The following RBM33 variants were observed in gnomAD, a reference collection of about 807,000 sequenced individuals.
RBM33 encodes the protein RNA-binding protein 33.
Under a neutral mutation model 132.6 loss-of-function variants are expected in RBM33, and 28 were observed. The ratio of observed to expected loss-of-function variants is 0.21; its 90% CI spans 0.16 to 0.29. The LOEUF is 0.29. Among genes scored for constraint, RBM33 ranks in the 10% least tolerant of loss-of-function variants. The probability of loss-of-function intolerance (pLI) is 1.00; values close to 1 mark genes in which losing one functional copy is unlikely to be tolerated. For synonymous variants in RBM33, 634 were observed against 593.0 expected (o/e 1.07, Z -1.01); for missense variants, 1,291 against 1,518.5 (o/e 0.85, Z 2.49).
chr7:155,780,287 A>G lies in RBM33; in HGVS notation c.*5246A>G, dbSNP rs1316776961. 1 of 152,204 alleles carries G rather than the reference A, an allele frequency of 6.6e-6. No individual in the cohort carries two copies. The highest frequency in any genetic ancestry group is 1.5e-5 in the Non-Finnish European group (1 of 68,052). The allele number at this position is 152,204 out of a possible 1,614,324, so 9.4% of individuals were successfully genotyped here. ...CTGAGCCGAAGGAGCAAAAAAAGCCACCGCTCGTTTCTATAATCCAGCTTT... is the reference window on the plus strand; with the variant it reads ...CTGAGCCGAAGGAGCAAAAAAAGCCGCCGCTCGTTTCTATAATCCAGCTTT... On this transcript the variant is annotated 3_prime_UTR_variant, in exon 18 of 18. Coordinates refer to ENST00000401878, the MANE Select transcript of RBM33 (RefSeq NM_053043.3).
At chr7:155,663,718 G>C (rs1391587086) in intron 1 of RBM33, among the ~76,000 whole-genome samples, 1 of 152,136 alleles carries the variant, frequency 6.6e-6, no homozygotes, top group Non-Finnish European at 1.5e-5. Context: ...TCCAGCTCCA[G>C]GCTCGGAAAA....
intron 5 of RBM33, among the ~76,000 whole-genome samples, chr7:155,681,751 T>C (rs1253924545): frequency 6.6e-6 from 1 of 152,152 alleles, no homozygotes; most frequent in Non-Finnish European, 1.5e-5. Flanking sequence ...TGGGAGTAGC[T>C]TTGCTTTTCT....
intron 3 of RBM33, among the ~76,000 whole-genome samples, chr7:155,673,758 GCGCA>G (rs1454122834): frequency 1.6e-5 from 1 of 64,438 alleles, no homozygotes; most frequent in African/African-American, 5.6e-5. Context: ...GTATATACGC[GCGCA>G]TGCGCGCACA....
At chr7:155,731,360 G>A (rs1374575531) in intron 9 of RBM33, among the ~76,000 whole-genome samples, 1 of 152,146 alleles carries the variant, frequency 6.6e-6, no homozygotes, top group Non-Finnish European at 1.5e-5. Flanking sequence ...TATATACCTA[G>A]GATAAAGTTT....
chr7:155,766,119 A>C (rs1005534854), intron 15 of RBM33, among the ~76,000 whole-genome samples: 3 of 152,068 alleles, frequency 2.0e-5, no homozygotes, highest in African/African-American at 7.2e-5. Flanking sequence ...ACAGGATCCA[A>C]ATTCTGAACT....
chr7:155,680,492 T>G, intron 4 of RBM33, 98 bp from the exon 5 acceptor site: 2 of 878,394 alleles, frequency 2.3e-6, no homozygotes, highest in Non-Finnish European at 3.4e-6. Context: ...TTTTTATCAG[T>G]CATGGTTTAA....
chr7:155,665,290 C>T (rs763329073), intron 2 of RBM33, 37 bp downstream of exon 2: 6 of 1,570,740 alleles, frequency 3.8e-6, no homozygotes, highest in East Asian at 2.2e-5. Flanking sequence ...CTGCCTGTGC[C>T]GATCTCTCTC....
At chr7:155,667,071 C>T (rs549293033) in intron 2 of RBM33, among the ~76,000 whole-genome samples, 31 of 152,262 alleles carry the variant, frequency 2.0e-4, no homozygotes, top group Middle Eastern at 3.4e-3. Context: ...CATGGATATA[C>T]TGTATATGTA....
At chr7:155,725,203 G>GTTTTTTTTTTTTTT (rs59050644) in intron 9 of RBM33, among the ~76,000 whole-genome samples, 1 of 105,178 alleles carries the variant, frequency 9.5e-6, no homozygotes. Flanking sequence ...TTTTTTAGTT[G>GTTTTTTTTTTTTTT]TTTTTTTTTT....
chr7:155,759,573 G>A (rs910703086), intron 14 of RBM33, among the ~76,000 whole-genome samples: 8 of 151,692 alleles, frequency 5.3e-5, no homozygotes, highest in African/African-American at 7.3e-5. Flanking sequence ...GCCCGCCACC[G>A]CGCCCGGCTA....
chr7:155,700,720 C>G, intron 5 of RBM33, 53 bp from the exon 6 acceptor site: 3 of 1,265,934 alleles, frequency 2.4e-6, no homozygotes, highest in Non-Finnish European at 3.3e-6. Context: ...ATATTTAATT[C>G]AAAAGAATAT....
At chr7:155,662,619 A>G (rs893876092) in intron 1 of RBM33, among the ~76,000 whole-genome samples, 1 of 151,758 alleles carries the variant, frequency 6.6e-6, no homozygotes, top group Non-Finnish European at 1.5e-5. Flanking sequence ...GTGCCTGGGA[A>G]CTGGGGGAAA....
intron 5 of RBM33, among the ~76,000 whole-genome samples, chr7:155,693,820 G>T (rs1452957868): frequency 7.2e-5 from 11 of 152,128 alleles, no homozygotes; most frequent in Admixed American, 7.2e-4. Flanking sequence ...GTGCTGAGAA[G>T]TAGAAGTTGC....
Position 155,776,502 on chromosome 7 carries a change from T to C in RBM33, c.*1461T>C, listed in dbSNP as rs1178748277. The C allele has an allele frequency of 6.6e-6, 1 of 152,164 alleles. No individual in the cohort carries two copies. The highest frequency in any genetic ancestry group is 1.5e-5 in the Non-Finnish European group (1 of 68,050). The allele number at this position is 152,164 out of a possible 1,614,324, so 9.4% of individuals were successfully genotyped here. A position where few individuals can be genotyped will look rare whatever the true frequency, so the allele number is the denominator to read the frequency against. On this transcript the variant is annotated 3_prime_UTR_variant, in exon 18 of 18. Transcript: ENST00000401878. This position sits in a 1 kb window ranked among gnomAD's most constrained non-coding sequence, Gnocchi z 4.0. ...TGACGTTTTATATTACTTTCTCAAA[T>C]TAAGTTACCAAAACAAACTGAAGAG... is the stretch of plus-strand genomic sequence containing the variant.
intron 9 of RBM33, among the ~76,000 whole-genome samples, chr7:155,719,210 G>A (rs1348922308): frequency 2.0e-5 from 3 of 151,860 alleles, no homozygotes; most frequent in South Asian, 2.1e-4. Context: ...GGGAAAAAAT[G>A]TACTGACCAT....
chr7:155,724,998 G>T (rs1393981343), intron 9 of RBM33, among the ~76,000 whole-genome samples: 1,947 of 116,354 alleles, frequency 0.017, 52 homozygotes, highest in African/African-American at 0.089. Context: ...GTTTGTGTGT[G>T]TGTGTGTGTG....
At chr7:155,691,818 G>A (rs1340713733) in intron 5 of RBM33, among the ~76,000 whole-genome samples, 3 of 152,122 alleles carry the variant, frequency 2.0e-5, no homozygotes, top group Middle Eastern at 3.2e-3. Context: ...CACTTTGGGA[G>A]GCCTAGGTGG....
intron 2 of RBM33, among the ~76,000 whole-genome samples, chr7:155,670,119 A>T (rs1277651395): frequency 1.3e-5 from 2 of 152,362 alleles, no homozygotes; most frequent in South Asian, 2.1e-4. Context: ...GTCTTTGAGG[A>T]TAACTTCTGT....
chr7:155,767,822 CAATT>C (rs1192261771), intron 16 of RBM33, among the ~76,000 whole-genome samples: 1 of 152,248 alleles, frequency 6.6e-6, no homozygotes, highest in Non-Finnish European at 1.5e-5. Context: ...TATTTCAAAA[CAATT>C]GATCATAATC....
Sources: allele counts gnomAD v4.1 joint callset (sites outside exome capture counted in the v4.1 genomes callset), GRCh38; gene constraint gnomAD v4.1.1; non-coding constraint Gnocchi (gnomAD v3.1); transcripts MANE v1.5; gene names NCBI Gene and HGNC (gene_info 2026-07-23, HGNC 2026-07-21).